The following ARHGEF33 variants were observed in gnomAD, a reference collection of about 807,000 sequenced individuals.
The protein encoded by ARHGEF33 is Rho guanine nucleotide exchange factor 33.
ARHGEF33 carries 72 observed loss-of-function variants against 101.9 expected under a neutral mutation model. The observed-to-expected ratio is 0.71, with a 90% CI of 0.58 to 0.86. The LOEUF is 0.86. ARHGEF33 is among the 40% of genes least tolerant of loss of function. The pLI is 0.00. For synonymous variants in ARHGEF33, 499 were observed against 442.5 expected (o/e 1.13, Z -1.60); for missense variants, 1,169 against 1,111.3 (o/e 1.05, Z -0.74).
In ARHGEF33 at chr2:38,951,118, C is replaced by A. The variant is rs750485662; in HGVS notation, c.1050C>A (p.Asp350Glu). 6.4e-7 allele frequency: 1 copy of A among 1,551,482 alleles called. No individual in the cohort carries two copies. Among genetic ancestry groups the A allele is most frequent in the South Asian group, 1.2e-5 (1 of 84,010 alleles). ...LGDLFLKLTN[D>E]ENNFLDYYVA... ...ATTTATTCCTTAAGTTAACAAATGA[C>A]GAGGTAAGGTTTTTTCTGCCCCTCT... Residue 350 changes from aspartate to glutamate, a missense_variant, in exon 11 of 18, where the codon GAC becomes GAA. Transcript: ENST00000409978.
chr2:38,911,953 T>C (rs1666517814), intron 2 of ARHGEF33, among the ~76,000 whole-genome samples: 1 of 152,048 alleles, frequency 6.6e-6, no homozygotes, highest in African/African-American at 2.4e-5. Context: ...GAGGCTCTGG[T>C]TGAAGGGGGT....
At chr2:38,913,167 G>T (rs552235780) in intron 2 of ARHGEF33, among the ~76,000 whole-genome samples, 1 of 152,010 alleles carries the variant, frequency 6.6e-6, no homozygotes, top group East Asian at 1.9e-4. Flanking sequence ...CTCCCAAGTA[G>T]CTGAGACTAC....
At chr2:38,950,304 C>T (rs759115278) in intron 10 of ARHGEF33, among the ~76,000 whole-genome samples, 5 of 152,222 alleles carry the variant, frequency 3.3e-5, no homozygotes, top group Non-Finnish European at 5.9e-5. Flanking sequence ...GCATCTACAA[C>T]ACTAATTAGA....
rs545898851 is a variant in ARHGEF33 at position 38,929,732 on chromosome 2, G to A, written c.264G>A (p.Ser88=). ...YFKEELSNAM[S]MIQAITSKQE... The stretch of plus-strand genomic sequence containing the variant: ...AGGAAGAGCTGAGCAATGCCATGTC[G>A]ATGATCCAAGCCATCACTTCCAAAC... Residue 88 remains serine, a synonymous_variant, in exon 6 of 18, where the codon TCG becomes TCA. Transcript: ENST00000409978. The A allele has an allele frequency of 9.6e-5, 149 of 1,551,784 alleles. No homozygotes were observed. Among genetic ancestry groups the A allele is most frequent in the South Asian group, 8.3e-5 (7 of 84,040 alleles).
rs1357043886 is a variant in ARHGEF33 at position 38,959,766 on chromosome 2, G to GGGCGCCGGCAGGCGAGA, written c.1536-71_1536-55dup. 4.2e-6 allele frequency: 6 copies of GGGCGCCGGCAGGCGAGA among 1,429,194 alleles called. No homozygotes were observed. In the African/African-American group the frequency reaches 8.7e-5, roughly 21 times the overall value. 88.5% of individuals were successfully genotyped at this position (1,429,194 alleles called of 1,614,324 possible). A position where few individuals can be genotyped will look rare whatever the true frequency, so the allele number is the denominator to read the frequency against. ...AGGCGCCTCGGAGCGCGGCCCCGAG[G>GGGCGCCGGCAGGCGAGA]GGCGCCGGCAGGCGAGAGGCCTGCA... is the stretch of plus-strand genomic sequence containing the variant. On this transcript the variant is annotated intron_variant, in intron 15 of 17. Transcript: ENST00000409978.
In ARHGEF33 at chr2:38,931,104, C is replaced by T; in HGVS notation, c.363-5C>T. The T allele has an allele frequency of 6.5e-7, 1 of 1,540,948 alleles. No homozygotes were observed. The highest frequency in any genetic ancestry group is 1.2e-5 in the South Asian group (1 of 81,854). ...AATAGCCTTGTCTTTGTTTCTCTTT[C>T]CTAGGAAAACTCAAAAAGAAGAGCA... is the stretch of plus-strand genomic sequence containing the variant. On this transcript the variant is annotated splice_region_variant and splice_polypyrimidine_tract_variant and intron_variant, in intron 6 of 17. Coordinates refer to ENST00000409978, the MANE Select transcript of ARHGEF33 (RefSeq NM_001145451.5).
intron 14 of ARHGEF33, 60 bp from the exon 15 acceptor site, chr2:38,957,974 G>A (rs1667812223): frequency 1.3e-6 from 2 of 1,523,930 alleles, no homozygotes; most frequent in Non-Finnish European, 1.8e-6. Context: ...GGCATAATAT[G>A]TGTTCAGAGA....
chr2:38,959,152 T>C (rs574703204), intron 15 of ARHGEF33: 2 of 152,360 alleles, frequency 1.3e-5, no homozygotes, highest in East Asian at 3.9e-4. Context: ...TCCTAGTTTG[T>C]AAACTGTGTA....
chr2:38,944,295 T>C (rs991582350), intron 10 of ARHGEF33, among the ~76,000 whole-genome samples: 2 of 152,186 alleles, frequency 1.3e-5, no homozygotes, highest in East Asian at 1.9e-4. Flanking sequence ...TGCTGGCAGA[T>C]TGAATCTCTG....
chr2:38,893,943 TCTGAAGA>T (rs1196992596), intron 1 of ARHGEF33, among the ~76,000 whole-genome samples: 4 of 152,094 alleles, frequency 2.6e-5, no homozygotes, highest in Non-Finnish European at 4.4e-5. Context: ...ACTTCTAAAG[TCTGAAGA>T]CTGAAGACTG....
intron 2 of ARHGEF33, among the ~76,000 whole-genome samples, chr2:38,900,605 G>C (rs1054745259): frequency 2.6e-5 from 4 of 152,290 alleles, no homozygotes; most frequent in Admixed American, 2.6e-4. Context: ...ATCAACCAAT[G>C]TCTAATTGGC....
At chr2:38,961,264 C>T (rs1008385904) in intron 16 of ARHGEF33, among the ~76,000 whole-genome samples, 3 of 152,080 alleles carry the variant, frequency 2.0e-5, no homozygotes, top group African/African-American at 7.2e-5. Flanking sequence ...AAAAGAGTGT[C>T]CTATTAATTT....
intron 2 of ARHGEF33, among the ~76,000 whole-genome samples, chr2:38,902,440 T>C (rs919005127): frequency 6.6e-6 from 1 of 152,180 alleles, no homozygotes; most frequent in African/African-American, 2.4e-5. Flanking sequence ...GCATTTTATT[T>C]TTTCTGTCAA....
At chr2:38,922,207 C>T (rs529468761) in intron 4 of ARHGEF33, among the ~76,000 whole-genome samples, 1 of 152,152 alleles carries the variant, frequency 6.6e-6, no homozygotes, top group African/African-American at 2.4e-5. Context: ...CCATGCTTCT[C>T]TCCAGACTTC....
intron 14 of ARHGEF33, 138 bp from the exon 15 acceptor site, chr2:38,957,896 T>C: frequency 1.9e-6 from 2 of 1,060,538 alleles, no homozygotes; most frequent in South Asian, 1.6e-5. Flanking sequence ...GCAACTTAGT[T>C]TGCAAAGGCC....
intron 1 of ARHGEF33, among the ~76,000 whole-genome samples, chr2:38,893,110 G>C (rs1666041384): frequency 6.6e-6 from 1 of 151,438 alleles, no homozygotes; most frequent in Non-Finnish European, 1.5e-5. Context: ...TTGCTCCCTA[G>C]GGTTCCTAAA....
chr2:38,930,865 G>A (rs1268666225), intron 6 of ARHGEF33, among the ~76,000 whole-genome samples: 1 of 152,204 alleles, frequency 6.6e-6, no homozygotes, highest in African/African-American at 2.4e-5. Flanking sequence ...AAATAAGAAT[G>A]TGGATGTTAT....
At chr2:38,922,077 T>G (rs886157050) in intron 4 of ARHGEF33, among the ~76,000 whole-genome samples, 1 of 152,260 alleles carries the variant, frequency 6.6e-6, no homozygotes, top group East Asian at 1.9e-4. Flanking sequence ...GTCCTCTAAG[T>G]GGTATTTACT....
intron 2 of ARHGEF33, among the ~76,000 whole-genome samples, chr2:38,916,065 G>A (rs1172274589): frequency 6.6e-6 from 1 of 152,172 alleles, no homozygotes; most frequent in East Asian, 1.9e-4. Flanking sequence ...CTTGAAATAA[G>A]TTGTCATATG....
Sources: allele counts gnomAD v4.1 joint callset (sites outside exome capture counted in the v4.1 genomes callset), GRCh38; gene constraint gnomAD v4.1.1; transcripts MANE v1.5; gene names NCBI Gene and HGNC (gene_info 2026-07-23, HGNC 2026-07-21).